Variants in VPS11 observed in about 807,000 individuals in gnomAD.
VPS11 encodes VPS11 core subunit of CORVET and HOPS complexes.
In VPS11, 51 loss-of-function variants were observed where a neutral mutation model predicts 106.8. The observed-to-expected ratio is 0.48, with a 90% CI of 0.38 to 0.60. VPS11 has a LOEUF of 0.60. VPS11 is among the 20% of genes least tolerant of loss of function. VPS11 has a pLI of 0.00. For missense variants in VPS11, 950 were observed against 1,190.0 expected, an observed-to-expected ratio of 0.80 and a Z score of 2.97; for synonymous variants, 453 against 458.7, an observed-to-expected ratio of 0.99 and a Z score of 0.16.
chr11:119,069,550 C>T lies in VPS11; in HGVS notation c.445C>T (p.His149Tyr). The change falls in exon 3 of 16, where the codon CAT becomes TAT. Residue 149 changes from histidine to tyrosine, a missense_variant. His to Tyr is a moderately conservative substitution (Grantham distance 83). This residue lies in a region of VPS11 where 435 missense variants were observed against 630.2 expected (regional missense o/e 0.69). Coordinates refer to ENST00000621676, the MANE Select transcript of VPS11 (RefSeq NM_021729.6). ...AACTGTTGTATCTTGTTTGACTGTC[C>T]ATGAAAATCTCAACTTTATGGCCAT... ...EPTVVSCLTV[H>Y]ENLNFMAIGF... 6.2e-7 allele frequency: 1 copy of T among 1,613,972 alleles called. No homozygotes were observed. The highest frequency in any genetic ancestry group is 8.5e-7 in the Non-Finnish European group (1 of 1,179,888).
chr11:119,079,043 G>A (rs782332901), intron 13 of VPS11, 46 bp downstream of exon 13: 2 of 1,612,630 alleles, frequency 1.2e-6, no homozygotes, highest in Non-Finnish European at 1.7e-6. Context: ...CTGACAGCTG[G>A]GCTCTGTGGC....
intron 14 of VPS11, among the ~76,000 whole-genome samples, chr11:119,079,812 T>C (rs1341468461): frequency 2.0e-5 from 3 of 151,972 alleles, no homozygotes; most frequent in Non-Finnish European, 4.4e-5. Flanking sequence ...TGGCCTCAAG[T>C]GATCCTCCGG....
chr11:119,074,612 C>G (rs1369401741), intron 7 of VPS11, among the ~76,000 whole-genome samples: 3 of 152,154 alleles, frequency 2.0e-5, no homozygotes, highest in Non-Finnish European at 4.4e-5. Context: ...ACCACGTTCT[C>G]TAGGCTGGTC....
intron 7 of VPS11, among the ~76,000 whole-genome samples, chr11:119,074,907 C>T (rs1454232564): frequency 6.6e-6 from 1 of 152,172 alleles, no homozygotes; most frequent in Non-Finnish European, 1.5e-5. Context: ...TCATCTCTTG[C>T]TTCCATAATT....
rs782229586 is a variant in VPS11, at chr11:119,073,170, C to T, written c.885-28C>T. 9 of 1,595,510 alleles carry T rather than the reference C, an allele frequency of 5.6e-6. No homozygotes were observed. In the Admixed American group the frequency reaches 1.1e-4, roughly 19 times the overall value. Reference sequence around the variant, plus strand: ...GGGAGATAAGACAGAGATGTCCAAACATCTGGTGCTTTTTCTTTCCTATGC... The same window carrying T: ...GGGAGATAAGACAGAGATGTCCAAATATCTGGTGCTTTTTCTTTCCTATGC... On this transcript the variant is annotated intron_variant, in intron 5 of 15. Transcript: ENST00000621676.
In VPS11 at chr11:119,070,098, A is replaced by G. The variant is rs1307412356; in HGVS notation, c.473-136A>G. On this transcript the variant is annotated intron_variant, in intron 3 of 15. Transcript: ENST00000621676. ...TGAAAATGTGTCAGTGAGTACCAAT[A>G]TTCAGGTTAACCATTAGAGAGGTTG... is the stretch of plus-strand genomic sequence containing the variant. 3 of 624,860 alleles carry G rather than the reference A, an allele frequency of 4.8e-6. No homozygotes were observed. In the East Asian group the frequency reaches 9.4e-5, roughly 19 times the overall value. 38.7% of individuals were successfully genotyped at this position (624,860 alleles called of 1,614,324 possible).
At position 119,073,372 on chromosome 11, in the gene VPS11, G is replaced by A. The variant is rs781786888; in HGVS notation, c.1059G>A (p.Gln353=). 1 of 1,613,378 alleles carries A rather than the reference G, an allele frequency of 6.2e-7. No individual in the cohort carries two copies. Among genetic ancestry groups the A allele is most frequent in the East Asian group, 2.2e-5 (1 of 44,886 alleles). Reference sequence around the variant, plus strand: ...GGGATGGGCGGGTCCACGCACTGCAGGAGAAGGACACACAGACCAAACTGG... The same window carrying A: ...GGGATGGGCGGGTCCACGCACTGCAAGAGAAGGACACACAGACCAAACTGG... ...LTRDGRVHAL[Q]EKDTQTKLEM... is the part of the protein sequence containing the mutation. The change falls in exon 6 of 16, where the codon CAG becomes CAA. Residue 353 remains glutamine (Q), a synonymous_variant. Coordinates refer to ENST00000621676, the MANE Select transcript of VPS11 (RefSeq NM_021729.6).
chr11:119,070,172 T>C (rs1945321200), intron 3 of VPS11, 62 bp from the exon 4 acceptor site: 1 of 1,524,810 alleles, frequency 6.6e-7, no homozygotes, highest in Non-Finnish European at 8.9e-7. Flanking sequence ...GTGGTCTTTT[T>C]TCCCCTCTCC....
chr11:119,070,264 A>C lies in VPS11; in HGVS notation c.503A>C (p.Lys168Thr). The change falls in exon 4 of 16, where the codon AAA becomes ACA. Residue 168 changes from lysine to threonine, a missense_variant. Physicochemically the swap from Lys to Thr is moderately conservative, Grantham distance 78. Around this residue, in one of 3 missense-constraint regions of VPS11, gnomAD observed 435 missense variants for 630.2 expected, o/e 0.69. Coordinates refer to ENST00000621676, the MANE Select transcript of VPS11 (RefSeq NM_021729.6). ...GFTDGSVTLN[K>T]GDITRDRHSK... ...ACAGATGGCAGTGTTACATTGAACAAAGGAGACATCACCCGGGACCGGCAT... is the reference window on the plus strand; with the variant it reads ...ACAGATGGCAGTGTTACATTGAACACAGGAGACATCACCCGGGACCGGCAT... 1 of 1,612,720 alleles carries C rather than the reference A, an allele frequency of 6.2e-7. No individual in the cohort carries two copies. Among genetic ancestry groups the C allele is most frequent in the Non-Finnish European group, 8.5e-7 (1 of 1,179,196 alleles).
intron 8 of VPS11, 32 bp from the exon 9 acceptor site, chr11:119,077,469 G>A (rs1945670035): frequency 6.2e-7 from 1 of 1,608,414 alleles, no homozygotes; most frequent in African/African-American, 1.3e-5. Flanking sequence ...CTCCCTCTGT[G>A]TAAATGATTT....
rs574225304 is a variant in VPS11 at position 119,069,194 on chromosome 11, A to C, written c.188-2A>C. On this transcript the variant is annotated splice_acceptor_variant, in intron 1 of 15. Coordinates refer to ENST00000621676, the MANE Select transcript of VPS11 (RefSeq NM_021729.6). LOFTEE classifies it high-confidence loss of function. Reference sequence around the variant, plus strand: ...AAAGGAGGCTCCTTGACTACCCTGCACATATGGAAGGCCAGATCTGGTTCT... The same window carrying C: ...AAAGGAGGCTCCTTGACTACCCTGCCCATATGGAAGGCCAGATCTGGTTCT... 6.2e-7 allele frequency: 1 copy of C among 1,613,860 alleles called. No individual in the cohort carries two copies. The highest frequency in any genetic ancestry group is 1.3e-5 in the African/African-American group (1 of 74,998).
chr11:119,075,049 G>A (rs575027699), intron 7 of VPS11, among the ~76,000 whole-genome samples: 3 of 149,330 alleles, frequency 2.0e-5, no homozygotes, highest in African/African-American at 7.4e-5. Context: ...GGTGGATCAC[G>A]AGGTCAGGAG....
chr11:119,070,607 C>CTTT, intron 4 of VPS11: 1 of 291,500 alleles, frequency 3.4e-6, no homozygotes, highest in Non-Finnish European at 5.1e-6. Flanking sequence ...TGTGAATTTT[C>CTTT]TTTCTTTTTT....
intron 2 of VPS11, 38 bp downstream of exon 2, chr11:119,069,382 C>T: frequency 3.1e-6 from 5 of 1,613,754 alleles, no homozygotes; most frequent in Non-Finnish European, 4.2e-6. Flanking sequence ...ATCCAGAAGC[C>T]TAGGAATGAT....
rs1945865849 is a variant in VPS11 at position 119,081,897 on chromosome 11, T to C, written c.*274T>C. The C allele has an allele frequency of 1.3e-5, 6 of 454,146 alleles. No individual in the cohort carries two copies. The highest frequency in any genetic ancestry group is 2.4e-5 in the Non-Finnish European group (6 of 254,984). The allele number at this position is 454,146 out of a possible 1,614,324, so 28.1% of individuals were successfully genotyped here. On this transcript the variant is annotated 3_prime_UTR_variant, in exon 16 of 16. Transcript: ENST00000621676. ...AGTGTGGACAATAGCTGCTTTCTTC[T>C]CTATCCAAGAGCACCAGGCTGTGCT...
At position 119,081,127 on chromosome 11, in the gene VPS11, G is replaced by T; in HGVS notation, c.2474G>T (p.Cys825Phe). The change falls in exon 15 of 16, where the codon TGT becomes TTT. Residue 825 changes from cysteine (C) to phenylalanine (F), a missense_variant. Around this residue, in one of 3 missense-constraint regions of VPS11, gnomAD observed 453 missense variants for 514.6 expected, o/e 0.88. Transcript: ENST00000621676. The part of the protein sequence containing the change: ...KIFQKTKCSI[C>F]NSALELPSVH... Reference sequence around the variant, plus strand: ...TTCCAAAAGACCAAGTGCAGCATCTGTAACAGTGCCTTGGAGTTGCCCTCA... The same window carrying T: ...TTCCAAAAGACCAAGTGCAGCATCTTTAACAGTGCCTTGGAGTTGCCCTCA... The T allele has an allele frequency of 6.2e-7, 1 of 1,614,060 alleles. No homozygotes were observed. The highest frequency in any genetic ancestry group is 8.5e-7 in the Non-Finnish European group (1 of 1,179,904).
intron 7 of VPS11, among the ~76,000 whole-genome samples, chr11:119,075,475 C>T (rs890623227): frequency 2.1e-5 from 3 of 144,646 alleles, no homozygotes; most frequent in South Asian, 2.3e-4. Context: ...GAGGCCAAGG[C>T]GGGTGGATCA....
In VPS11 at chr11:119,071,849, G is replaced by C. The variant is rs782706062; in HGVS notation, c.884+6G>C. The C allele has an allele frequency of 1.2e-6, 2 of 1,610,034 alleles. No individual in the cohort carries two copies. On this transcript the variant is annotated splice_donor_region_variant and intron_variant, in intron 5 of 15. Transcript: ENST00000621676. ...GACCGGAAGGTTTCTCCCAAGTAAG[G>C]ACTCAGTGAGAAGGGACAGGGAGAG...
Position 119,078,083 on chromosome 11 carries a change from A to G in VPS11, c.1761+17A>G. 1 of 1,609,728 alleles carries G rather than the reference A, an allele frequency of 6.2e-7. No individual in the cohort carries two copies. The highest frequency in any genetic ancestry group is 8.5e-7 in the Non-Finnish European group (1 of 1,179,794). Reference sequence around the variant, plus strand: ...GGCTGCAGGGTGAGGCTGCAGGGAAAAGAGCTTCAGACTGTGGGGATCACC... The same window carrying G: ...GGCTGCAGGGTGAGGCTGCAGGGAAGAGAGCTTCAGACTGTGGGGATCACC... On this transcript the variant is annotated intron_variant, in intron 10 of 15. Coordinates refer to ENST00000621676, the MANE Select transcript of VPS11 (RefSeq NM_021729.6).
Sources: gnomAD v4.1 joint callset for allele counts (sites outside exome capture counted in the v4.1 genomes callset) on GRCh38, gnomAD v4.1.1 for gene constraint, gnomAD v4.1.1 regional missense constraint, MANE v1.5 for transcripts, NCBI Gene and HGNC (gene_info 2026-07-23, HGNC 2026-07-21) for gene names.